The following CNBD1 variants were observed in gnomAD, a reference collection of about 807,000 sequenced individuals.
The protein encoded by CNBD1 is cyclic nucleotide binding domain containing 1.
In CNBD1, 71 loss-of-function variants were observed where a neutral mutation model predicts 54.4. The ratio of observed to expected loss-of-function variants is 1.30; its 90% confidence interval spans 1.08 to 1.59. The LOEUF (loss-of-function observed/expected upper bound fraction) is 1.59. Among genes scored for constraint, CNBD1 ranks in the 40% most tolerant of loss-of-function variants. The pLI is 0.00. For synonymous variants in CNBD1, 182 were observed against 170.7 expected, an observed-to-expected ratio of 1.07 and a Z score of -0.51; for missense variants, 659 against 518.0, an observed-to-expected ratio of 1.27 and a Z score of -2.64.
At chr8:87,061,580 G>C (rs933396557) in intron 4 of CNBD1, among the ~76,000 whole-genome samples, 1 of 152,028 alleles carries the variant, frequency 6.6e-6, no homozygotes, top group East Asian at 1.9e-4. Context: ...AATTATTTTG[G>C]TTGAGTTCAC....
intron 10 of CNBD1, among the ~76,000 whole-genome samples, chr8:87,355,279 C>T (rs1245536566): frequency 1.3e-5 from 2 of 152,150 alleles, no homozygotes; most frequent in African/African-American, 4.8e-5. Context: ...TCTGCCACTT[C>T]CCAGGTTACC....
intron 4 of CNBD1, among the ~76,000 whole-genome samples, chr8:86,996,659 G>T (rs1364916405): frequency 6.6e-6 from 1 of 152,176 alleles, no homozygotes; most frequent in East Asian, 1.9e-4. Context: ...AGTTATAGTG[G>T]GAGAGGATAT....
Position 87,138,523 on chromosome 8 carries a change from A to G in CNBD1, c.432-67470A>G, listed in dbSNP as rs576117741. On this transcript the variant is annotated intron_variant, in intron 4 of 10. Coordinates refer to ENST00000518476, the MANE Select transcript of CNBD1 (RefSeq NM_173538.3). ...TGTTACAGATAAACTTACTGCACAA[A>G]CGCAGTGGTCTTTATCTGCTCCTGC... is the stretch of plus-strand genomic sequence containing the variant. Among the ~76,000 whole-genome samples the G allele has an allele frequency of 1.9e-3, 289 of 152,334 alleles. 1 individual carries two copies. The highest frequency in any genetic ancestry group is 6.8e-3 in the African/African-American group (283 of 41,568).
intron 5 of CNBD1, among the ~76,000 whole-genome samples, chr8:87,226,031 G>A (rs998994342): frequency 4.0e-5 from 6 of 151,748 alleles, no homozygotes; most frequent in Admixed American, 3.9e-4. Flanking sequence ...TTTGCGTAGA[G>A]GTGTTTGTAG....
chr8:86,968,483 A>G (rs1183267344), intron 4 of CNBD1, among the ~76,000 whole-genome samples: 1 of 152,222 alleles, frequency 6.6e-6, no homozygotes, highest in African/African-American at 2.4e-5. Flanking sequence ...TTGTAAATCA[A>G]AGAGAACGAC....
intron 4 of CNBD1, among the ~76,000 whole-genome samples, chr8:87,108,327 TA>T (rs1811583904): frequency 6.6e-6 from 1 of 152,176 alleles, no homozygotes; most frequent in South Asian, 2.1e-4. Context: ...TGGTATTCTA[TA>T]AAAAATAGGG....
intron 4 of CNBD1, among the ~76,000 whole-genome samples, chr8:87,173,173 C>G (rs1449561901): frequency 6.6e-6 from 1 of 152,118 alleles, no homozygotes; most frequent in Non-Finnish European, 1.5e-5. Flanking sequence ...GTAAAAAACA[C>G]TACACTTATC....
At chr8:87,257,018 TATAAC>T (rs1283516710) in intron 6 of CNBD1, among the ~76,000 whole-genome samples, 3 of 152,066 alleles carry the variant, frequency 2.0e-5, no homozygotes, top group Non-Finnish European at 4.4e-5. Context: ...AATCTACTGT[TATAAC>T]ATCAACACTC....
chr8:87,239,926 C>A (rs562224157), intron 6 of CNBD1, among the ~76,000 whole-genome samples: 48 of 151,956 alleles, frequency 3.2e-4, no homozygotes, highest in Admixed American at 5.9e-4. Flanking sequence ...ACAAGATCAC[C>A]AACTTAATGC....
At chr8:87,292,001 C>A (rs1808795535) in intron 8 of CNBD1, among the ~76,000 whole-genome samples, 2 of 152,054 alleles carry the variant, frequency 1.3e-5, no homozygotes, top group South Asian at 4.1e-4. Flanking sequence ...TGACTTTTTT[C>A]TTCCAAAAGA....
intron 8 of CNBD1, among the ~76,000 whole-genome samples, chr8:87,335,256 C>T (rs1004363923): frequency 1.3e-5 from 2 of 152,040 alleles, no homozygotes; most frequent in Admixed American, 6.6e-5. Flanking sequence ...TCCTGAATAT[C>T]CTCGTTAATT....
At chr8:87,375,097 A>C (rs914342503) in intron 10 of CNBD1, among the ~76,000 whole-genome samples, 1 of 151,936 alleles carries the variant, frequency 6.6e-6, no homozygotes. Context: ...TAGAAATGAA[A>C]ATATATGTGC....
At chr8:87,168,172 T>G (rs1813005933) in intron 4 of CNBD1, among the ~76,000 whole-genome samples, 1 of 151,972 alleles carries the variant, frequency 6.6e-6, no homozygotes, top group African/African-American at 2.4e-5. Flanking sequence ...GTTTGCCTTC[T>G]GGATCCACAC....
chr8:87,123,137 A>G (rs1413464125), intron 4 of CNBD1, among the ~76,000 whole-genome samples: 1 of 151,810 alleles, frequency 6.6e-6, no homozygotes, highest in Non-Finnish European at 1.5e-5. Flanking sequence ...TTTGGGCAGT[A>G]TGAACTTGAA....
chr8:87,040,986 G>C (rs1429570199), intron 4 of CNBD1, among the ~76,000 whole-genome samples: 1 of 151,854 alleles, frequency 6.6e-6, no homozygotes, highest in Non-Finnish European at 1.5e-5. Flanking sequence ...TTGCAAACTT[G>C]TTTTTAAAAT....
intron 4 of CNBD1, among the ~76,000 whole-genome samples, chr8:87,171,141 A>C (rs1813076830): frequency 6.6e-6 from 1 of 152,146 alleles, no homozygotes; most frequent in Non-Finnish European, 1.5e-5. Context: ...AGCAGTGAAG[A>C]TATCAGGTCT....
At chr8:86,972,394 GAGTAGAAGCATACTTGTCAAA>G (rs1186693882) in intron 4 of CNBD1, among the ~76,000 whole-genome samples, 1 of 152,148 alleles carries the variant, frequency 6.6e-6, no homozygotes, top group Non-Finnish European at 1.5e-5. Flanking sequence ...AAAAATGTAA[GAGTAGAAGCATACTTGTCAAA>G]AAGTCTTGAG....
chr8:86,899,157 TA>T, intron 2 of CNBD1, among the ~76,000 whole-genome samples: 1 of 152,028 alleles, frequency 6.6e-6, no homozygotes, highest in East Asian at 1.9e-4. Context: ...CAGTGGTTAC[TA>T]GGGGCAAGGG....
At chr8:87,024,174 G>T (rs1367328121) in intron 4 of CNBD1, among the ~76,000 whole-genome samples, 2 of 143,992 alleles carry the variant, frequency 1.4e-5, no homozygotes, top group African/African-American at 5.1e-5. Context: ...AGGAGGCAGT[G>T]CTTGCAGTGA....
Sources: gnomAD v4.1 joint callset for allele counts (sites outside exome capture counted in the v4.1 genomes callset) on GRCh38, gnomAD v4.1.1 for gene constraint, MANE v1.5 for transcripts, NCBI Gene and HGNC (gene_info 2026-07-23, HGNC 2026-07-21) for gene names.